Variants in AGBL4 observed in about 807,000 individuals in gnomAD.
AGBL4 encodes the protein AGBL carboxypeptidase 4, also known as cytosolic carboxypeptidase 6.
AGBL4 carries 58 observed loss-of-function variants against 66.4 expected under a neutral mutation model. The observed-to-expected ratio is 0.87, with a 90% CI of 0.71 to 1.09. AGBL4 has a LOEUF of 1.09. Among genes scored for constraint, AGBL4 ranks in the 50% least tolerant of loss-of-function variants. AGBL4 has a pLI of 0.00. For missense variants in AGBL4, 579 were observed against 631.0 expected (o/e 0.92, Z 0.88); for synonymous variants, 234 against 222.9 (o/e 1.05, Z -0.44).
At chr1:48,817,009 A>T (rs2148765248) in intron 6 of AGBL4, among the ~76,000 whole-genome samples, 1 of 152,334 alleles carries the variant, frequency 6.6e-6, no homozygotes, top group South Asian at 2.1e-4. Context: ...TGAGGGACCA[A>T]CATGTGCAAA....
intron 3 of AGBL4, among the ~76,000 whole-genome samples, chr1:49,448,056 C>A (rs1646198262): frequency 6.6e-6 from 1 of 152,084 alleles, no homozygotes; most frequent in Non-Finnish European, 1.5e-5. Context: ...TTTCTCATAG[C>A]AGCCTGAAGA....
intron 2 of AGBL4, among the ~76,000 whole-genome samples, chr1:49,735,180 C>A (rs143426247): frequency 6.6e-6 from 1 of 151,976 alleles, no homozygotes; most frequent in Admixed American, 6.6e-5. Flanking sequence ...CAATACCAAA[C>A]GTTTTTTGCA....
intron 5 of AGBL4, among the ~76,000 whole-genome samples, chr1:48,967,779 C>T (rs2148948983): frequency 6.6e-6 from 1 of 152,144 alleles, no homozygotes; most frequent in African/African-American, 2.4e-5. Context: ...AGAAAGCAGT[C>T]AAATTTAGCT....
intron 1 of AGBL4, among the ~76,000 whole-genome samples, chr1:49,990,971 TCA>T (rs1659898733): frequency 2.6e-5 from 4 of 152,174 alleles, no homozygotes; most frequent in African/African-American, 9.7e-5. Context: ...TGCGTAATCG[TCA>T]TTAAAAAAAC....
At chr1:48,886,435 C>A (rs915761059) in intron 5 of AGBL4, among the ~76,000 whole-genome samples, 1 of 152,174 alleles carries the variant, frequency 6.6e-6, no homozygotes, top group African/African-American at 2.4e-5. Flanking sequence ...ACATGTATTT[C>A]TTTAAGTGTT....
At position 48,534,889 on chromosome 1, in the gene AGBL4, C is replaced by A; in HGVS notation, c.1391+1G>T. 6.4e-7 allele frequency: 1 copy of A among 1,551,414 alleles called. No homozygotes were observed. Among genetic ancestry groups the A allele is most frequent in the Non-Finnish European group, 8.7e-7 (1 of 1,146,762 alleles). On this transcript the variant is annotated splice_donor_variant, in intron 13 of 13. Transcript: ENST00000371839. LOFTEE classifies it high-confidence loss of function. Reference sequence around the variant, plus strand: ...AATGTCATCTTGAAGCAGTTCCTTACCTTCTCTGGACTTCTATTTCTTTAT... The same window carrying A: ...AATGTCATCTTGAAGCAGTTCCTTAACTTCTCTGGACTTCTATTTCTTTAT...
intron 1 of AGBL4, among the ~76,000 whole-genome samples, chr1:49,937,671 G>A (rs959274861): frequency 6.6e-6 from 1 of 152,050 alleles, no homozygotes; most frequent in Admixed American, 6.6e-5. Flanking sequence ...AAACTAGAAC[G>A]CAGGATTAAG....
chr1:49,205,864 T>A (rs1247518151), intron 4 of AGBL4, among the ~76,000 whole-genome samples: 3 of 152,164 alleles, frequency 2.0e-5, no homozygotes, highest in Non-Finnish European at 4.4e-5. Context: ...ATGCTATAAC[T>A]GAATTCCTAG....
chr1:49,094,754 G>A (rs1183287303), intron 4 of AGBL4, among the ~76,000 whole-genome samples: 2 of 152,154 alleles, frequency 1.3e-5, no homozygotes, highest in Admixed American at 1.3e-4. Context: ...AAAACTGGAA[G>A]CATTCTCTTT....
chr1:48,910,161 C>G (rs551006581), intron 5 of AGBL4, among the ~76,000 whole-genome samples: 15 of 152,276 alleles, frequency 9.9e-5, no homozygotes, highest in Middle Eastern at 3.4e-3. Flanking sequence ...ACCAAGAAGA[C>G]TTTAGTTTTC....
intron 5 of AGBL4, among the ~76,000 whole-genome samples, chr1:49,004,370 T>G (rs946069234): frequency 4.6e-5 from 7 of 152,190 alleles, no homozygotes; most frequent in Non-Finnish European, 7.3e-5. Flanking sequence ...GATAGGCATA[T>G]TAAAGGGATA....
intron 5 of AGBL4, among the ~76,000 whole-genome samples, chr1:48,993,828 C>A (rs1660795214): frequency 6.6e-6 from 1 of 152,118 alleles, no homozygotes; most frequent in African/African-American, 2.4e-5. Context: ...ACTCTCCCTC[C>A]CTGAAGCACA....
chr1:49,940,066 GA>G (rs1355278258), intron 1 of AGBL4, among the ~76,000 whole-genome samples: 5 of 152,126 alleles, frequency 3.3e-5, no homozygotes, highest in Non-Finnish European at 5.9e-5. Flanking sequence ...CTTCTCAAAA[GA>G]AGACATTTAT....
chr1:49,257,930 C>A (rs1652699058), intron 3 of AGBL4, among the ~76,000 whole-genome samples: 1 of 152,150 alleles, frequency 6.6e-6, no homozygotes, highest in African/African-American at 2.4e-5. Context: ...GGCAGACTGA[C>A]ACCTCACACG....
At chr1:49,914,440 T>G (rs2148218762) in intron 1 of AGBL4, among the ~76,000 whole-genome samples, 1 of 152,348 alleles carries the variant, frequency 6.6e-6, no homozygotes, top group South Asian at 2.1e-4. Context: ...CTGTCTGAAC[T>G]TCATCAGAAT....
intron 4 of AGBL4, among the ~76,000 whole-genome samples, chr1:49,240,750 G>A (rs766456684): frequency 6.6e-6 from 1 of 151,432 alleles, no homozygotes; most frequent in Non-Finnish European, 1.5e-5. Flanking sequence ...ACCTTAATCC[G>A]TACTTCCATA....
At chr1:48,527,455 G>C in the AGBL4 span, among the ~76,000 whole-genome samples, 1 of 151,934 alleles carries the variant, frequency 6.6e-6, no homozygotes, top group Non-Finnish European at 1.5e-5. Context: ...AAATTAACTG[G>C]GCGTGTTGGT....
intron 5 of AGBL4, among the ~76,000 whole-genome samples, chr1:48,879,372 T>C (rs545291502): frequency 6.6e-6 from 1 of 152,240 alleles, no homozygotes; most frequent in East Asian, 1.9e-4. Flanking sequence ...CTTTCCTTTC[T>C]TTGTTACTGA....
At chr1:49,727,997 C>T (rs767455223) in intron 2 of AGBL4, among the ~76,000 whole-genome samples, 40 of 152,032 alleles carry the variant, frequency 2.6e-4, no homozygotes, top group Non-Finnish European at 5.3e-4. Flanking sequence ...TTTGCATAGC[C>T]ACTCAAATCA....
Sources: gnomAD v4.1 joint callset for allele counts (sites outside exome capture counted in the v4.1 genomes callset) on GRCh38, gnomAD v4.1.1 for gene constraint, MANE v1.5 for transcripts, NCBI Gene and HGNC (gene_info 2026-07-23, HGNC 2026-07-21) for gene names.